Variants in RBMS2 observed in about 807,000 individuals in gnomAD.
RBMS2 encodes RNA-binding motif, single-stranded-interacting protein 2.
Under a neutral mutation model 58.4 loss-of-function variants are expected in RBMS2, and 38 were observed. That is an observed-to-expected ratio of 0.65 (90% CI 0.50 to 0.85). The LOEUF (loss-of-function observed/expected upper bound fraction) is 0.85, where lower values mean the gene tolerates loss of function less well. RBMS2 is among the 40% of genes least tolerant of loss of function. The pLI is 0.00. For missense variants in RBMS2, 367 were observed against 503.7 expected, an observed-to-expected ratio of 0.73 and a Z score of 2.60; for synonymous variants, 151 against 180.7, an observed-to-expected ratio of 0.84 and a Z score of 1.32.
intron 4 of RBMS2, among the ~76,000 whole-genome samples, chr12:56,570,366 C>A (rs1478948128): frequency 6.6e-6 from 1 of 152,150 alleles, no homozygotes; most frequent in South Asian, 2.1e-4. Flanking sequence ...CTCAGAATTT[C>A]AGAACAATGC....
Position 56,521,820 on chromosome 12 carries a change from A to G in RBMS2, c.-204A>G. 1.8e-6 allele frequency: 1 copy of G among 564,224 alleles called. No homozygotes were observed. Among genetic ancestry groups the G allele is most frequent in the Non-Finnish European group, 3.1e-6 (1 of 322,574 alleles). 35.0% of individuals were successfully genotyped at this position (564,224 alleles called of 1,614,324 possible). A position where few individuals can be genotyped will look rare whatever the true frequency, so the allele number is the denominator to read the frequency against. The stretch of plus-strand genomic sequence containing the variant: ...ACTTCTCTCAGTGACGTAAAGGAGC[A>G]GCCCGAGCTCATTCTCTGCCCGCAG... On this transcript the variant is annotated 5_prime_UTR_variant, in exon 1 of 14. Coordinates refer to ENST00000262031, the MANE Select transcript of RBMS2 (RefSeq NM_002898.4).
intron 9 of RBMS2, among the ~76,000 whole-genome samples, chr12:56,583,611 G>A (rs375958429): frequency 6.2e-4 from 94 of 151,672 alleles, no homozygotes; most frequent in Admixed American, 7.9e-4. Flanking sequence ...CCGAGATCGC[G>A]CCACTACACT....
intron 5 of RBMS2, among the ~76,000 whole-genome samples, chr12:56,579,076 G>A (rs1423169440): frequency 2.6e-5 from 4 of 152,152 alleles, no homozygotes; most frequent in African/African-American, 9.7e-5. Context: ...CCCCAACTTT[G>A]TTGTTTCTAA....
intron 1 of RBMS2, among the ~76,000 whole-genome samples, chr12:56,543,315 G>A (rs1876493154): frequency 1.3e-5 from 2 of 150,960 alleles, no homozygotes; most frequent in South Asian, 4.2e-4. Flanking sequence ...AAACCTCATC[G>A]CTACTAAAAA....
Position 56,596,030 on chromosome 12 carries a change from A to G in RBMS2, c.*6897A>G, listed in dbSNP as rs1885776697. The G allele has an allele frequency of 6.6e-6, 1 of 152,600 alleles. No individual in the cohort carries two copies. The highest frequency in any genetic ancestry group is 1.5e-5 in the Non-Finnish European group (1 of 68,022). The allele number at this position is 152,600 out of a possible 1,614,324, so 9.5% of individuals were successfully genotyped here. A position where few individuals can be genotyped will look rare whatever the true frequency, so the allele number is the denominator to read the frequency against. On this transcript the variant is annotated 3_prime_UTR_variant, in exon 14 of 14. Transcript: ENST00000262031. ...TGGCAAAAACAGGAGTTTTTTCGCT[A>G]GACTTTTTTTTTCTTTTTAACCTTA...
intron 1 of RBMS2, among the ~76,000 whole-genome samples, chr12:56,539,157 A>T (rs1875596486): frequency 6.6e-6 from 1 of 151,794 alleles, no homozygotes; most frequent in South Asian, 2.1e-4. Flanking sequence ...CTGGGATTAC[A>T]CGTGCACACC....
At chr12:56,526,831 C>T (rs1410210415) in intron 1 of RBMS2, among the ~76,000 whole-genome samples, 2 of 152,068 alleles carry the variant, frequency 1.3e-5, no homozygotes, top group Non-Finnish European at 2.9e-5. Flanking sequence ...GGCCTAACCA[C>T]GCCTTTCTTG....
intron 2 of RBMS2, among the ~76,000 whole-genome samples, chr12:56,565,477 G>C (rs1881187934): frequency 6.6e-6 from 1 of 152,026 alleles, no homozygotes; most frequent in South Asian, 2.1e-4. Flanking sequence ...AGATACAGAG[G>C]GATTTTTATT....
At chr12:56,555,278 C>A (rs1051940968) in intron 1 of RBMS2, among the ~76,000 whole-genome samples, 2 of 151,194 alleles carry the variant, frequency 1.3e-5, no homozygotes, top group Non-Finnish European at 2.9e-5. Flanking sequence ...ATTAAGAAGA[C>A]CTTGGTACAA....
At chr12:56,564,663 T>C (rs7304944) in intron 2 of RBMS2, among the ~76,000 whole-genome samples, 136,490 of 152,284 alleles carry the variant, frequency 0.9, 61,340 homozygotes, top group African/African-American at 0.97. Flanking sequence ...TGAGCCTGGC[T>C]TCAAGTCCCT....
At chr12:56,539,015 CTTTTT>C (rs10605730) in intron 1 of RBMS2, among the ~76,000 whole-genome samples, 26 of 144,180 alleles carry the variant, frequency 1.8e-4, no homozygotes, top group Middle Eastern at 3.3e-3. Context: ...TTCAGAAATT[CTTTTT>C]TTTTTTTTTT....
upstream of RBMS2, among the ~76,000 whole-genome samples, chr12:56,521,411 G>A: frequency 1.9e-5 from 2 of 106,960 alleles, no homozygotes; most frequent in South Asian, 3.2e-4. Context: ...CTGGGTGACA[G>A]ACTAAAACTC....
chr12:56,571,662 G>T, intron 4 of RBMS2, 36 bp from the exon 5 acceptor site: 1 of 1,486,396 alleles, frequency 6.7e-7, no homozygotes. Context: ...AGGGATAAGA[G>T]ATGTGAGCCT....
intron 9 of RBMS2, among the ~76,000 whole-genome samples, chr12:56,583,008 T>A (rs939718249): frequency 6.6e-6 from 1 of 152,172 alleles, no homozygotes; most frequent in African/African-American, 2.4e-5. Flanking sequence ...AATGTTGAGA[T>A]CCTCTGCTCT....
chr12:56,542,556 T>C (rs374431060), intron 1 of RBMS2, among the ~76,000 whole-genome samples: 1 of 150,624 alleles, frequency 6.6e-6, no homozygotes, highest in Admixed American at 6.6e-5. Context: ...GTTTTTCTTT[T>C]TTTTTTTTTT....
At chr12:56,552,202 A>C (rs1310043501) in intron 1 of RBMS2, among the ~76,000 whole-genome samples, 1 of 152,182 alleles carries the variant, frequency 6.6e-6, no homozygotes, top group Non-Finnish European at 1.5e-5. Context: ...CTAGTATTTC[A>C]CTGATTTTTT....
intron 1 of RBMS2, among the ~76,000 whole-genome samples, chr12:56,529,566 C>A (rs1376287890): frequency 1.3e-5 from 2 of 149,986 alleles, no homozygotes; most frequent in Middle Eastern, 3.4e-3. Flanking sequence ...CCAACAACAA[C>A]AACAACAACA....
chr12:56,581,405 C>A lies in RBMS2; in HGVS notation c.629C>A (p.Ser210Tyr). 1 of 1,614,192 alleles carries A rather than the reference C, an allele frequency of 6.2e-7. No individual in the cohort carries two copies. Among genetic ancestry groups the A allele is most frequent in the Non-Finnish European group, 8.5e-7 (1 of 1,180,026 alleles). ...IKTPPGVPAP[S>Y]DPLLCKFADG... ...CTGCCTTCTCTCTCGGCAGCCCCAT[C>A]CGATCCCTTGCTTTGCAAATTTGCT... The change falls in exon 7 of 14, where the codon TCC (serine) becomes TAC (tyrosine). Residue 210 changes from serine (S) to tyrosine (Y), a missense_variant. Coordinates refer to ENST00000262031, the MANE Select transcript of RBMS2 (RefSeq NM_002898.4).
At chr12:56,521,806 T>G, upstream of RBMS2, 1 of 545,972 alleles carries the variant, frequency 1.8e-6, no homozygotes. Flanking sequence ...CTTCTCTCAG[T>G]GACGTAAAGG....
Sources: allele counts gnomAD v4.1 joint callset (sites outside exome capture counted in the v4.1 genomes callset), GRCh38; gene constraint gnomAD v4.1.1; transcripts MANE v1.5; gene names NCBI Gene and HGNC (gene_info 2026-07-23, HGNC 2026-07-21).